Variants in LRFN5 observed in about 807,000 individuals in gnomAD.
The protein encoded by LRFN5 is leucine rich repeat and fibronectin type III domain containing 5, also known as leucine-rich repeat and fibronectin type-III domain-containing protein 5.
In LRFN5, 24 loss-of-function variants were observed where a neutral mutation model predicts 45.6. That is an observed-to-expected ratio of 0.53 (90% CI 0.38 to 0.74). LRFN5 has a LOEUF of 0.74. Among genes scored for constraint, LRFN5 ranks in the 30% least tolerant of loss-of-function variants. LRFN5 has a pLI of 0.00. For missense variants in LRFN5, 776 were observed against 861.5 expected, an observed-to-expected ratio of 0.90 and a Z score of 1.24; for synonymous variants, 340 against 313.8, an observed-to-expected ratio of 1.08 and a Z score of -0.88.
At chr14:41,667,604 CTCA>C (rs1390491313) in intron 1 of LRFN5, among the ~76,000 whole-genome samples, 1 of 152,114 alleles carries the variant, frequency 6.6e-6, no homozygotes, top group Non-Finnish European at 1.5e-5. Flanking sequence ...TTTGGTAAGA[CTCA>C]TCAATCCCTG....
rs1403109521 is a variant in LRFN5, at chr14:41,607,865, G to A, written c.-894G>A. 2.0e-5 allele frequency: 3 copies of A among 152,194 alleles called. No homozygotes were observed. The highest frequency in any genetic ancestry group is 7.2e-5 in the African/African-American group (3 of 41,440). 9.4% of individuals were successfully genotyped at this position (152,194 alleles called of 1,614,324 possible). A position where few individuals can be genotyped will look rare whatever the true frequency, so the allele number is the denominator to read the frequency against. On this transcript the variant is annotated 5_prime_UTR_variant, in exon 1 of 6. Coordinates refer to ENST00000298119, the MANE Select transcript of LRFN5 (RefSeq NM_152447.5). ...TGGCCAGAAGGATATTTACGTTTTG[G>A]TTCACAGCATTTGAAGCCAAAAGTT...
At chr14:41,797,084 A>G (rs1466253639) in intron 2 of LRFN5, among the ~76,000 whole-genome samples, 1 of 151,818 alleles carries the variant, frequency 6.6e-6, no homozygotes, top group Non-Finnish European at 1.5e-5. Context: ...CCAAATCTTA[A>G]ATGTATATTA....
intron 2 of LRFN5, among the ~76,000 whole-genome samples, chr14:41,833,238 A>C (rs151246308): frequency 5.5e-4 from 84 of 152,312 alleles, no homozygotes; most frequent in African/African-American, 1.9e-3. Flanking sequence ...GTAGCCACAG[A>C]AAGAAAATGA....
intron 1 of LRFN5, among the ~76,000 whole-genome samples, chr14:41,699,129 A>G (rs901653351): frequency 6.6e-6 from 1 of 152,096 alleles, no homozygotes; most frequent in South Asian, 2.1e-4. Context: ...GAAGAACATG[A>G]TCAGTGCTTC....
Position 41,670,073 on chromosome 14 carries a change from CTATA to C in LRFN5, c.-197+61516_-197+61519del, listed in dbSNP as rs561280568. 8.6e-3 allele frequency among the ~76,000 whole-genome samples: 1,261 copies of C among 147,380 alleles called. 22 individuals are homozygous for C. Among genetic ancestry groups the C allele is most frequent in the African/African-American group, 0.03 (1,218 of 40,432 alleles). ...TAATAAAATGTTTTACTATATGCAC[CTATA>C]TATACACATATATACACACATACAT... On this transcript the variant is annotated intron_variant, in intron 1 of 5. Transcript: ENST00000298119.
At chr14:41,622,216 T>C (rs1242183259) in intron 1 of LRFN5, among the ~76,000 whole-genome samples, 1 of 152,000 alleles carries the variant, frequency 6.6e-6, no homozygotes, top group African/African-American at 2.4e-5. Flanking sequence ...AATATACCTT[T>C]AGTGAACTTC....
chr14:41,751,725 G>A (rs1885141141), intron 1 of LRFN5, among the ~76,000 whole-genome samples: 1 of 151,944 alleles, frequency 6.6e-6, no homozygotes, highest in Admixed American at 6.6e-5. Flanking sequence ...AGAATCCTTA[G>A]GACCAATCTC....
chr14:41,775,093 C>CTTTTTTTTTTTTTTT lies in LRFN5; in HGVS notation c.-21+8065_-21+8079dup, dbSNP rs59438733. 6.4e-3 allele frequency among the ~76,000 whole-genome samples: 714 copies of CTTTTTTTTTTTTTTT among 112,422 alleles called. 16 individuals are homozygous for CTTTTTTTTTTTTTTT. The highest frequency in any genetic ancestry group is 0.028 in the East Asian group (83 of 2,950). 73.8% of individuals were successfully genotyped at this position (112,422 alleles called of 152,430 possible). Reference sequence around the variant, plus strand: ...AGATTTGATGCTACTTTTTCTTTTTCTTTTTTTTTTTTTTTGAGACGGAGT... The same window carrying CTTTTTTTTTTTTTTT: ...AGATTTGATGCTACTTTTTCTTTTTCTTTTTTTTTTTTTTTTTTTTTTTTTTTTTTGAGACGGAGT... On this transcript the variant is annotated intron_variant, in intron 2 of 5. Transcript: ENST00000298119.
chr14:41,800,864 T>A (rs1452923123), intron 2 of LRFN5, among the ~76,000 whole-genome samples: 1 of 151,946 alleles, frequency 6.6e-6, no homozygotes, highest in African/African-American at 2.4e-5. Flanking sequence ...TTTGTCTTTT[T>A]AAAAAATACT....
At chr14:41,765,339 C>G (rs1448405761) in intron 1 of LRFN5, among the ~76,000 whole-genome samples, 2 of 126,784 alleles carry the variant, frequency 1.6e-5, no homozygotes, top group African/African-American at 3.1e-5. Flanking sequence ...GAGACTCCGT[C>G]TCAAAAAAAA....
At chr14:41,833,205 C>T (rs560203818) in intron 2 of LRFN5, among the ~76,000 whole-genome samples, 12 of 152,198 alleles carry the variant, frequency 7.9e-5, no homozygotes, top group African/African-American at 9.6e-5. Flanking sequence ...AATGTTTTTA[C>T]GAGCCCATTG....
chr14:41,616,408 C>CA (rs1320682355), intron 1 of LRFN5, among the ~76,000 whole-genome samples: 1 of 152,130 alleles, frequency 6.6e-6, no homozygotes, highest in Non-Finnish European at 1.5e-5. Context: ...GAGTGAGAAA[C>CA]AAACATTCTT....
At chr14:41,856,464 T>C (rs116448545) in intron 2 of LRFN5, among the ~76,000 whole-genome samples, 2,083 of 151,946 alleles carry the variant, frequency 0.014, 46 homozygotes, top group African/African-American at 0.047. Context: ...GCCGTTTCCG[T>C]CAAGGAGTTA....
chr14:41,758,543 A>C (rs1885511705), intron 1 of LRFN5, among the ~76,000 whole-genome samples: 1 of 152,234 alleles, frequency 6.6e-6, no homozygotes, highest in Non-Finnish European at 1.5e-5. Context: ...TGTCAGTCAC[A>C]GATTCACAGA....
At position 41,715,376 on chromosome 14, in the gene LRFN5, A is replaced by T. The variant is rs1387097687; in HGVS notation, c.-196-51478A>T. Among the ~76,000 whole-genome samples the T allele has an allele frequency of 3.3e-5, 5 of 152,316 alleles. No individual in the cohort carries two copies. The East Asian group carries it at 9.7e-4, about 29-fold the overall frequency. On this transcript the variant is annotated intron_variant, in intron 1 of 5. Transcript: ENST00000298119. ...TTAACATTTTGAAGAGGTTTCAATT[A>T]GGTTAACAATGTAGAACATTCTATG...
intron 2 of LRFN5, among the ~76,000 whole-genome samples, chr14:41,825,786 T>G (rs1390301316): frequency 6.6e-6 from 1 of 152,094 alleles, no homozygotes; most frequent in African/African-American, 2.4e-5. Context: ...GGCAGCTCAG[T>G]GCAATGCCCT....
chr14:41,766,623 A>C (rs1183720093), intron 1 of LRFN5, among the ~76,000 whole-genome samples: 1 of 152,192 alleles, frequency 6.6e-6, no homozygotes, highest in Non-Finnish European at 1.5e-5. Flanking sequence ...CAGTTTTGAT[A>C]AGAAAACTTA....
chr14:41,716,180 A>G (rs1883487295), intron 1 of LRFN5, among the ~76,000 whole-genome samples: 2 of 152,060 alleles, frequency 1.3e-5, no homozygotes, highest in African/African-American at 2.4e-5. Flanking sequence ...TTTCCTCCTC[A>G]GCCTTTGGGC....
At chr14:41,667,356 G>A (rs925868314) in intron 1 of LRFN5, among the ~76,000 whole-genome samples, 6 of 152,124 alleles carry the variant, frequency 3.9e-5, no homozygotes, top group Non-Finnish European at 7.4e-5. Flanking sequence ...CAGCAAGGAG[G>A]ATTTCTGATA....
Sources: gnomAD v4.1 joint callset for allele counts (sites outside exome capture counted in the v4.1 genomes callset) on GRCh38, gnomAD v4.1.1 for gene constraint, MANE v1.5 for transcripts, NCBI Gene and HGNC (gene_info 2026-07-23, HGNC 2026-07-21) for gene names.